SFMBT2: variants seen among roughly 807,000 people sequenced by gnomAD.
SFMBT2 encodes the protein Scm like with four mbt domains 2.
A neutral mutation model predicts 110.1 loss-of-function variants in SFMBT2; 38 were observed. The ratio of observed to expected loss-of-function variants is 0.35; its 90% CI spans 0.27 to 0.45. SFMBT2 has a LOEUF of 0.45. SFMBT2 is among the 20% of genes least tolerant of loss of function. The pLI is 1.00. For synonymous variants in SFMBT2, 425 were observed against 425.4 expected, an observed-to-expected ratio of 1.00 and a Z score of 0.01; for missense variants, 1,011 against 1,094.9, an observed-to-expected ratio of 0.92 and a Z score of 1.08.
At chr10:7,387,400 A>G (rs1201294998) in intron 1 of SFMBT2, among the ~76,000 whole-genome samples, 1 of 152,188 alleles carries the variant, frequency 6.6e-6, no homozygotes, top group Admixed American at 6.5e-5. Context: ...CAGACATATA[A>G]ATACCAGTGG....
intron 10 of SFMBT2, among the ~76,000 whole-genome samples, chr10:7,223,885 C>T (rs967122264): frequency 2.6e-5 from 4 of 152,078 alleles, no homozygotes; most frequent in Admixed American, 6.5e-5. Context: ...CAGGTGATAC[C>T]GAGGCTGCTG....
intron 15 of SFMBT2, among the ~76,000 whole-genome samples, 183 bp from the exon 16 acceptor site, chr10:7,188,916 T>C (rs1447023318): frequency 1.3e-5 from 2 of 152,208 alleles, no homozygotes; most frequent in Non-Finnish European, 2.9e-5. Flanking sequence ...TGTTTCACCA[T>C]CCATGGACAA....
intron 1 of SFMBT2, among the ~76,000 whole-genome samples, chr10:7,384,453 A>G (rs1357780246): frequency 6.7e-6 from 1 of 148,898 alleles, no homozygotes; most frequent in Non-Finnish European, 1.5e-5. Flanking sequence ...CTTCGTTCAT[A>G]ATGAAAATGA....
chr10:7,164,184 T>C (rs1383424149), intron 20 of SFMBT2: 1 of 916,298 alleles, frequency 1.1e-6, no homozygotes, highest in Non-Finnish European at 1.3e-6. Context: ...ACCAGGAGTT[T>C]GAGACAAGTC....
At chr10:7,243,734 G>A (rs768213226) in intron 8 of SFMBT2, 29 bp from the exon 9 acceptor site, 2 of 859,960 alleles carry the variant, frequency 2.3e-6, no homozygotes, top group African/African-American at 1.6e-5. Context: ...GGGAGCCAAA[G>A]GTTAATTCTT....
intron 15 of SFMBT2, among the ~76,000 whole-genome samples, chr10:7,194,062 T>A (rs377720665): frequency 6.6e-6 from 1 of 152,142 alleles, no homozygotes; most frequent in African/African-American, 2.4e-5. Flanking sequence ...TCCATGCAAC[T>A]GGGCATGGGC....
chr10:7,316,123 C>G (rs1044410268), intron 4 of SFMBT2, among the ~76,000 whole-genome samples: 1 of 152,170 alleles, frequency 6.6e-6, no homozygotes, highest in Admixed American at 6.5e-5. Flanking sequence ...AACGCATGAC[C>G]TCCCTCAACA....
At chr10:7,179,391 G>GAAAAAAAAAA (rs57497418) in intron 16 of SFMBT2, among the ~76,000 whole-genome samples, 116 of 70,306 alleles carry the variant, frequency 1.6e-3, no homozygotes, top group African/African-American at 2.4e-3. Context: ...TTGCATTTTC[G>GAAAAAAAAAA]AAAAAAAAAA....
chr10:7,240,809 G>A (rs1236979747), intron 9 of SFMBT2, among the ~76,000 whole-genome samples: 1 of 152,152 alleles, frequency 6.6e-6, no homozygotes, highest in Non-Finnish European at 1.5e-5. Context: ...GTGCTCTTCT[G>A]AGGTTATTCT....
At chr10:7,387,777 G>GAAA (rs34684925) in intron 1 of SFMBT2, among the ~76,000 whole-genome samples, 1 of 123,326 alleles carries the variant, frequency 8.1e-6, no homozygotes, top group Non-Finnish European at 1.8e-5. Context: ...TTAAAAATAG[G>GAAA]AAAAAAAAAA....
At position 7,293,436 on chromosome 10, in the gene SFMBT2, G is replaced by T. The variant is rs1842318118; in HGVS notation, c.437-7482C>A. Among the ~76,000 whole-genome samples the T allele has an allele frequency of 6.6e-6, 1 of 152,030 alleles. No homozygotes were observed. Among genetic ancestry groups the T allele is most frequent in the East Asian group, 1.9e-4 (1 of 5,196 alleles). Reference sequence around the variant, plus strand: ...TTTAATGTGAAGGTAAAGCTAATGGGATTCGCTGATGGGCTACAAGAGAAG... The same window carrying T: ...TTTAATGTGAAGGTAAAGCTAATGGTATTCGCTGATGGGCTACAAGAGAAG... On this transcript the variant is annotated intron_variant, in intron 4 of 20. Coordinates refer to ENST00000397167, the MANE Select transcript of SFMBT2 (RefSeq NM_001387889.1). The surrounding 1 kb of genome is among the most constrained non-coding windows in gnomAD (Gnocchi z 4.6).
At chr10:7,216,674 G>T (rs1162174246) in intron 11 of SFMBT2, among the ~76,000 whole-genome samples, 1 of 152,096 alleles carries the variant, frequency 6.6e-6, no homozygotes, top group Non-Finnish European at 1.5e-5. Context: ...AGCAAAGTTT[G>T]TGGTCACCGT....
chr10:7,297,226 G>A (rs1046692660), intron 4 of SFMBT2, among the ~76,000 whole-genome samples: 1 of 152,214 alleles, frequency 6.6e-6, no homozygotes. Context: ...GTGCACAGAA[G>A]GAAGACTGAG....
Position 7,202,504 on chromosome 10 carries a change from A to G in SFMBT2, c.1463T>C (p.Ile488Thr). The stretch of plus-strand genomic sequence containing the variant: ...CTGTTTCTCTGGTTGCACGACTGCA[A>G]TCTTTCTCTTCTTTTGTGCTGTAGA... ...HKTVSQKKRK[I>T]AVVQPEKQLP... is the part of the protein sequence containing the mutation. Residue 488 changes from isoleucine (I) to threonine (T), a missense_variant, in exon 13 of 21, where the codon ATT becomes ACT. Physicochemically the swap from Ile to Thr is moderately conservative, Grantham distance 89. Coordinates refer to ENST00000397167, the MANE Select transcript of SFMBT2 (RefSeq NM_001387889.1). 4 of 1,614,210 alleles carry G rather than the reference A, an allele frequency of 2.5e-6. No individual in the cohort carries two copies. The highest frequency in any genetic ancestry group is 3.4e-6 in the Non-Finnish European group (4 of 1,180,036).
At chr10:7,406,781 T>A (rs1209970569) in intron 1 of SFMBT2, among the ~76,000 whole-genome samples, 1 of 152,220 alleles carries the variant, frequency 6.6e-6, no homozygotes, top group Non-Finnish European at 1.5e-5. Flanking sequence ...GATGGATGTA[T>A]CCCAATGGGA....
At chr10:7,178,020 T>C (rs1838129569) in intron 16 of SFMBT2, among the ~76,000 whole-genome samples, 1 of 152,236 alleles carries the variant, frequency 6.6e-6, no homozygotes, top group Non-Finnish European at 1.5e-5. Context: ...TCTTGGACTT[T>C]AGGCCTCCAG....
chr10:7,262,837 G>A (rs530812608), intron 7 of SFMBT2, among the ~76,000 whole-genome samples: 6 of 152,174 alleles, frequency 3.9e-5, no homozygotes, highest in African/African-American at 1.4e-4. Flanking sequence ...AGATGGCCCC[G>A]CTGGTCCTTT....
intron 12 of SFMBT2, chr10:7,205,110 T>G (rs1486476660): frequency 2.3e-5 from 6 of 255,528 alleles, no homozygotes; most frequent in Non-Finnish European, 3.1e-5. Flanking sequence ...AGTCTCACCC[T>G]GTCACCCACG....
rs568510572 is a variant in SFMBT2, at chr10:7,228,087, A to G, written c.1121-150T>C. 1.2e-4 allele frequency: 73 copies of G among 598,692 alleles called. No individual in the cohort carries two copies. In the African/African-American group the frequency reaches 1.4e-3, roughly 12 times the overall value. The allele number at this position is 598,692 out of a possible 1,614,324, so 37.1% of individuals were successfully genotyped here. A position where few individuals can be genotyped will look rare whatever the true frequency, so the allele number is the denominator to read the frequency against. On this transcript the variant is annotated intron_variant, in intron 9 of 20. Coordinates refer to ENST00000397167, the MANE Select transcript of SFMBT2 (RefSeq NM_001387889.1). ...TTCAGATTTCATAAGCTCAGATGAA[A>G]TATTTTGGAAAAATTAAAGTACTAA...
Sources: gnomAD v4.1 joint callset for allele counts (sites outside exome capture counted in the v4.1 genomes callset) on GRCh38, gnomAD v4.1.1 for gene constraint, Gnocchi (gnomAD v3.1) non-coding constraint, MANE v1.5 for transcripts, NCBI Gene and HGNC (gene_info 2026-07-23, HGNC 2026-07-21) for gene names.